The following PDE3A variants were observed in gnomAD, a reference collection of about 807,000 sequenced individuals.
The protein encoded by PDE3A is cGMP-inhibited 3',5'-cyclic phosphodiesterase 3A.
A neutral mutation model predicts 98.3 loss-of-function variants in PDE3A; 43 were observed. The ratio of observed to expected loss-of-function variants is 0.44; its 90% confidence interval spans 0.34 to 0.56. The LOEUF (loss-of-function observed/expected upper bound fraction) is 0.56. Among genes scored for constraint, PDE3A ranks in the 20% least tolerant of loss-of-function variants. PDE3A has a pLI of 0.01. For synonymous variants in PDE3A, 663 were observed against 567.9 expected (o/e 1.17, Z -2.38); for missense variants, 1,427 against 1,440.7 (o/e 0.99, Z 0.15).
At chr12:20,391,874 G>A (rs1219741604) in intron 1 of PDE3A, among the ~76,000 whole-genome samples, 1 of 151,952 alleles carries the variant, frequency 6.6e-6, no homozygotes, top group East Asian at 1.9e-4. Context: ...GCGAAGGGTG[G>A]CTGTCACCTC....
At chr12:20,404,677 G>T (rs2120677954) in intron 1 of PDE3A, among the ~76,000 whole-genome samples, 1 of 152,232 alleles carries the variant, frequency 6.6e-6, no homozygotes, top group East Asian at 1.9e-4. Context: ...GGAAATAGCA[G>T]TTCCTAAAAG....
intron 1 of PDE3A, among the ~76,000 whole-genome samples, chr12:20,391,637 T>C (rs1943917567): frequency 6.6e-6 from 1 of 151,652 alleles, no homozygotes; most frequent in Non-Finnish European, 1.5e-5. Flanking sequence ...ACATCAGTGC[T>C]GTTGTATCAC....
chr12:20,387,831 T>A (rs750584386), intron 1 of PDE3A, among the ~76,000 whole-genome samples: 15 of 152,038 alleles, frequency 9.9e-5, no homozygotes, highest in Non-Finnish European at 1.8e-4. Flanking sequence ...GAAGAGTTTT[T>A]AAATCACATG....
In PDE3A at chr12:20,370,172, G is replaced by C; in HGVS notation, c.888G>C (p.Val296=). The C allele has an allele frequency of 2.5e-6, 4 of 1,612,306 alleles. No homozygotes were observed. Among genetic ancestry groups the C allele is most frequent in the Non-Finnish European group, 3.4e-6 (4 of 1,179,436 alleles). Reference sequence around the variant, plus strand: ...GGAGGAGGCGGTCCAGCTCCGTCGTGTCCGCCGAGATGTCCGGCTGCAGCA... The same window carrying C: ...GGAGGAGGCGGTCCAGCTCCGTCGTCTCCGCCGAGATGTCCGGCTGCAGCA... ...FKRRRRSSSV[V]SAEMSGCSSK... The change falls in exon 1 of 16, where the codon GTG becomes GTC. Residue 296 remains valine, a synonymous_variant. Coordinates refer to ENST00000359062, the MANE Select transcript of PDE3A (RefSeq NM_000921.5).
At chr12:20,458,396 C>A (rs1945189878) in intron 1 of PDE3A, among the ~76,000 whole-genome samples, 1 of 151,190 alleles carries the variant, frequency 6.6e-6, no homozygotes, top group Non-Finnish European at 1.5e-5. Context: ...AAAAAAAAAC[C>A]AATTTTGGGT....
At chr12:20,664,733 T>C (rs188914952) in intron 15 of PDE3A, among the ~76,000 whole-genome samples, 2 of 152,112 alleles carry the variant, frequency 1.3e-5, no homozygotes, top group South Asian at 2.1e-4. Flanking sequence ...CCTTCTGCCA[T>C]GTTTGTGAGA....
chr12:20,490,618 C>A (rs10841553), intron 1 of PDE3A, among the ~76,000 whole-genome samples: 57,947 of 151,960 alleles, frequency 0.38, 11,455 homozygotes, highest in East Asian at 0.68. Flanking sequence ...AGATTTGATG[C>A]AATTCAAAGC....
At chr12:20,647,513 C>T (rs1215790733) in intron 12 of PDE3A, among the ~76,000 whole-genome samples, 1 of 151,946 alleles carries the variant, frequency 6.6e-6, no homozygotes, top group Non-Finnish European at 1.5e-5. Context: ...GTAAAAAATT[C>T]ATCACTAAGT....
chr12:20,624,249 A>C lies in PDE3A; in HGVS notation c.1540+2838A>C, dbSNP rs138287436. Among the ~76,000 whole-genome samples the C allele has an allele frequency of 1.2e-4, 18 of 152,272 alleles. No individual in the cohort carries two copies. The East Asian group carries it at 3.5e-3, about 29-fold the overall frequency. On this transcript the variant is annotated intron_variant, in intron 5 of 15. Transcript: ENST00000359062. Reference sequence around the variant, plus strand: ...TTGGGTTCTGTCCTTGGGTGGGTACAAGATAATGGAAGGGTTTGGTTTTCT... The same window carrying C: ...TTGGGTTCTGTCCTTGGGTGGGTACCAGATAATGGAAGGGTTTGGTTTTCT...
In PDE3A at chr12:20,684,074, T is replaced by C. The variant is rs538805514; in HGVS notation, c.*3803T>C. 3.9e-5 allele frequency: 6 copies of C among 152,242 alleles called. No individual in the cohort carries two copies. In the East Asian group the frequency reaches 1.2e-3, roughly 29 times the overall value. 9.4% of individuals were successfully genotyped at this position (152,242 alleles called of 1,614,324 possible). A position where few individuals can be genotyped will look rare whatever the true frequency, so the allele number is the denominator to read the frequency against. On this transcript the variant is annotated 3_prime_UTR_variant, in exon 16 of 16. Transcript: ENST00000359062. Reference sequence around the variant, plus strand: ...AATAAAAGTATAAAAATTATCATTATAAATAAAGTCTAAAGTTTGAAATTA... The same window carrying C: ...AATAAAAGTATAAAAATTATCATTACAAATAAAGTCTAAAGTTTGAAATTA...
intron 15 of PDE3A, among the ~76,000 whole-genome samples, chr12:20,678,921 A>C (rs930887245): frequency 6.6e-6 from 1 of 152,196 alleles, no homozygotes; most frequent in Admixed American, 6.5e-5. Flanking sequence ...AGTTCCCCCT[A>C]AATGATTTTG....
At chr12:20,660,869 G>A (rs533650195) in intron 15 of PDE3A, among the ~76,000 whole-genome samples, 26 of 152,194 alleles carry the variant, frequency 1.7e-4, no homozygotes, top group African/African-American at 4.8e-4. Context: ...ACAGTAAATT[G>A]GTACTGGTAG....
intron 1 of PDE3A, among the ~76,000 whole-genome samples, chr12:20,522,387 C>T (rs1946446091): frequency 6.6e-6 from 1 of 152,136 alleles, no homozygotes; most frequent in African/African-American, 2.4e-5. Context: ...GAGTGGGGTT[C>T]AGCAATTTGT....
chr12:20,370,950 T>C (rs1212444318), intron 1 of PDE3A, among the ~76,000 whole-genome samples: 1 of 152,248 alleles, frequency 6.6e-6, no homozygotes, highest in Non-Finnish European at 1.5e-5. Flanking sequence ...TGTTCAAAAT[T>C]GTCAACTGCG....
chr12:20,407,373 T>A (rs536656739), intron 1 of PDE3A, among the ~76,000 whole-genome samples: 195 of 152,344 alleles, frequency 1.3e-3, no homozygotes, highest in African/African-American at 4.3e-3. Context: ...AAACTTTTTT[T>A]AAAAAATTGA....
At chr12:20,635,577 CAAAAAAA>C in intron 8 of PDE3A, among the ~76,000 whole-genome samples, 1 of 120,300 alleles carries the variant, frequency 8.3e-6, no homozygotes, top group South Asian at 2.8e-4. Flanking sequence ...GACTCTGTCT[CAAAAAAA>C]AAAAAAAGAA....
At chr12:20,415,382 G>A (rs1351619626) in intron 1 of PDE3A, among the ~76,000 whole-genome samples, 2 of 149,456 alleles carry the variant, frequency 1.3e-5, no homozygotes, top group African/African-American at 2.4e-5. Context: ...GGAATAAGCC[G>A]TTGGCCTCCT....
At chr12:20,458,758 GAA>G (rs1200849609) in intron 1 of PDE3A, among the ~76,000 whole-genome samples, 3 of 152,126 alleles carry the variant, frequency 2.0e-5, no homozygotes, top group Non-Finnish European at 4.4e-5. Flanking sequence ...ATAAGATTCA[GAA>G]ACACAGAGCT....
intron 2 of PDE3A, among the ~76,000 whole-genome samples, chr12:20,596,526 A>G (rs1943470792): frequency 6.6e-6 from 1 of 152,140 alleles, no homozygotes; most frequent in Admixed American, 6.5e-5. Context: ...ACATCATACA[A>G]TTTTATATTC....
Sources: gnomAD v4.1 joint callset for allele counts (sites outside exome capture counted in the v4.1 genomes callset) on GRCh38, gnomAD v4.1.1 for gene constraint, MANE v1.5 for transcripts, NCBI Gene and HGNC (gene_info 2026-07-23, HGNC 2026-07-21) for gene names.